The following TC2N variants were observed in gnomAD, a reference collection of about 807,000 sequenced individuals.
The protein encoded by TC2N is tandem C2 domains, nuclear.
Under a neutral mutation model 61.9 loss-of-function variants are expected in TC2N, and 51 were observed. The ratio of observed to expected loss-of-function variants is 0.82; its 90% CI spans 0.66 to 1.04. TC2N has a LOEUF of 1.04. Ranked by LOEUF, TC2N falls within the 50% of genes least tolerant of loss-of-function variation. The pLI is 0.00. For synonymous variants in TC2N, 204 were observed against 192.6 expected (o/e 1.06, Z -0.49); for missense variants, 556 against 566.7 (o/e 0.98, Z 0.19).
At chr14:91,845,007 G>A (rs947504916) in intron 1 of TC2N, among the ~76,000 whole-genome samples, 1 of 151,920 alleles carries the variant, frequency 6.6e-6, no homozygotes, top group Non-Finnish European at 1.5e-5. Flanking sequence ...GGCTGAGAAG[G>A]GGGTGGATCA....
intron 1 of TC2N, among the ~76,000 whole-genome samples, chr14:91,824,045 A>T (rs1334447648): frequency 1.3e-5 from 2 of 152,216 alleles, no homozygotes; most frequent in Admixed American, 1.3e-4. Flanking sequence ...TTATCATCAG[A>T]TCCCACTTAC....
chr14:91,809,509 G>T (rs934383262), intron 3 of TC2N, among the ~76,000 whole-genome samples: 2 of 152,066 alleles, frequency 1.3e-5, no homozygotes, highest in African/African-American at 2.4e-5. Flanking sequence ...AACAAAGCAA[G>T]AAAATAAAAA....
At chr14:91,867,001 C>T (rs1047567146) in intron 1 of TC2N, among the ~76,000 whole-genome samples, 10 of 152,268 alleles carry the variant, frequency 6.6e-5, no homozygotes, top group African/African-American at 2.4e-4. Context: ...CCACATGCCT[C>T]TGGTGCATTT....
Position 91,785,339 on chromosome 14 carries a change from C to A in TC2N, c.1185G>T (p.Met395Ile), listed in dbSNP as rs747827387. ...LTLSFFVKVG[M>I]FSSGELIYKK... ...TATAAATCAACTCTCCCGAGCTAAA[C>A]ATTCCCACCTTCACGAAAAAACCTA... is the stretch of plus-strand genomic sequence containing the variant. The change falls in exon 11 of 12, where the codon ATG becomes ATT. Residue 395 changes from methionine (M) to isoleucine (I), a missense_variant. Physicochemically the swap from Met to Ile is conservative, Grantham distance 10 (BLOSUM62 1). Transcript: ENST00000435962. 16 of 1,612,824 alleles carry A rather than the reference C, an allele frequency of 9.9e-6. No homozygotes were observed. Among genetic ancestry groups the A allele is most frequent in the South Asian group, 5.5e-5 (5 of 90,686 alleles).
chr14:91,827,895 T>C (rs966368388), intron 1 of TC2N, among the ~76,000 whole-genome samples: 1 of 152,252 alleles, frequency 6.6e-6, no homozygotes, highest in African/African-American at 2.4e-5. Flanking sequence ...AATCAATCCA[T>C]GTGTGACTTA....
At chr14:91,787,720 T>G in intron 9 of TC2N, 93 bp from the exon 10 acceptor site, 1 of 685,646 alleles carries the variant, frequency 1.5e-6, no homozygotes. Flanking sequence ...TTAGAAATTT[T>G]GAAAGTATTC....
intron 1 of TC2N, chr14:91,836,256 C>A (rs1256914582): frequency 6.6e-6 from 1 of 152,406 alleles, no homozygotes; most frequent in Admixed American, 6.5e-5. Context: ...GTGGGAGAAG[C>A]GCACCTGAGC....
intron 1 of TC2N, among the ~76,000 whole-genome samples, chr14:91,844,156 G>C (rs1888219385): frequency 6.6e-6 from 1 of 152,170 alleles, no homozygotes; most frequent in South Asian, 2.1e-4. Flanking sequence ...GCACTCCAGG[G>C]AGGGGACAGG....
At chr14:91,831,833 G>A (rs1290556463) in intron 1 of TC2N, among the ~76,000 whole-genome samples, 1 of 152,108 alleles carries the variant, frequency 6.6e-6, no homozygotes, top group Non-Finnish European at 1.5e-5. Context: ...ATACCCCCCT[G>A]CTTTTAGTAG....
chr14:91,785,092 G>C, intron 11 of TC2N, 70 bp downstream of exon 11: 1 of 1,057,222 alleles, frequency 9.5e-7, no homozygotes, highest in South Asian at 1.4e-5. Flanking sequence ...ATATTATCCT[G>C]TATTCCCTTT....
At chr14:91,817,377 C>T (rs113907221) in intron 1 of TC2N, among the ~76,000 whole-genome samples, 2 of 151,962 alleles carry the variant, frequency 1.3e-5, no homozygotes, top group African/African-American at 2.4e-5. Flanking sequence ...TCCGTAACCA[C>T]CCAAATCAAA....
intron 1 of TC2N, among the ~76,000 whole-genome samples, chr14:91,831,512 T>G (rs1222929906): frequency 6.6e-6 from 1 of 152,206 alleles, no homozygotes; most frequent in African/African-American, 2.4e-5. Context: ...TAAATAAGAC[T>G]GTGGTAAGAT....
intron 1 of TC2N, among the ~76,000 whole-genome samples, chr14:91,825,483 CT>C (rs1379434669): frequency 6.6e-6 from 1 of 152,146 alleles, no homozygotes; most frequent in Non-Finnish European, 1.5e-5. Context: ...CCTTCGTCTG[CT>C]TTAAGTAATG....
chr14:91,856,486 CA>C (rs3030738), intron 1 of TC2N, among the ~76,000 whole-genome samples: 46,086 of 116,836 alleles, frequency 0.39, 7,220 homozygotes, highest in African/African-American at 0.51. Flanking sequence ...GACCTTGTCT[CA>C]AAAAAAAAAA....
intron 8 of TC2N, among the ~76,000 whole-genome samples, chr14:91,797,406 T>C (rs1885950987): frequency 6.6e-6 from 1 of 152,032 alleles, no homozygotes; most frequent in South Asian, 2.1e-4. Context: ...CATAAGTCTT[T>C]CTGTTATACT....
At chr14:91,856,785 T>C (rs1888492521) in intron 1 of TC2N, among the ~76,000 whole-genome samples, 1 of 152,148 alleles carries the variant, frequency 6.6e-6, no homozygotes, top group Non-Finnish European at 1.5e-5. Context: ...AAACTCTCAT[T>C]TGAGTGGCCA....
chr14:91,836,015 C>T (rs1271695546), intron 1 of TC2N, among the ~76,000 whole-genome samples: 2 of 152,152 alleles, frequency 1.3e-5, no homozygotes, highest in Non-Finnish European at 2.9e-5. Context: ...CGTCGCCCAC[C>T]CCTGGTGCCC....
intron 1 of TC2N, among the ~76,000 whole-genome samples, chr14:91,852,346 G>A (rs771822511): frequency 3.9e-5 from 6 of 152,058 alleles, no homozygotes; most frequent in African/African-American, 1.2e-4. Flanking sequence ...TAGGAGAATC[G>A]CTTGAACCCA....
At chr14:91,806,581 T>C (rs1432121204) in intron 3 of TC2N, among the ~76,000 whole-genome samples, 3 of 152,134 alleles carry the variant, frequency 2.0e-5, no homozygotes, top group African/African-American at 2.4e-5. Context: ...GCTGTAGAGA[T>C]TTCCGAAACT....
Sources: gnomAD v4.1 joint callset for allele counts (sites outside exome capture counted in the v4.1 genomes callset) on GRCh38, gnomAD v4.1.1 for gene constraint, MANE v1.5 for transcripts, NCBI Gene and HGNC (gene_info 2026-07-23, HGNC 2026-07-21) for gene names.